Variants in OGDHL observed in about 807,000 individuals in gnomAD.
The protein encoded by OGDHL is 2-oxoglutarate dehydrogenase-like, mitochondrial.
In OGDHL, 79 loss-of-function variants were observed where a neutral mutation model predicts 109.6. The observed-to-expected ratio is 0.72, with a 90% confidence interval of 0.60 to 0.87. The LOEUF (loss-of-function observed/expected upper bound fraction) is 0.87, where lower values mean the gene tolerates loss of function less well. OGDHL is among the 40% of genes least tolerant of loss of function. OGDHL has a pLI of 0.00. For missense variants in OGDHL, 1,275 were observed against 1,362.2 expected (o/e 0.94, Z 1.01); for synonymous variants, 528 against 537.2 (o/e 0.98, Z 0.24).
chr10:49,752,071 C>T (rs754106751), intron 5 of OGDHL, 62 bp downstream of exon 5: 65 of 1,608,546 alleles, frequency 4.0e-5, no homozygotes, highest in Non-Finnish European at 5.1e-5. Context: ...AGTGCCTTCC[C>T]GTCCTCTGGC....
chr10:49,746,951 G>A, intron 9 of OGDHL, 73 bp from the exon 10 acceptor site: 1 of 1,609,388 alleles, frequency 6.2e-7, no homozygotes, highest in South Asian at 1.1e-5. Flanking sequence ...CTGTACTGTG[G>A]AGACCCAGGG....
chr10:49,748,742 C>CACACACACA (rs1842373583), intron 8 of OGDHL, among the ~76,000 whole-genome samples: 1 of 133,884 alleles, frequency 7.5e-6, no homozygotes, highest in Non-Finnish European at 1.6e-5. Context: ...AGGTATGGGT[C>CACACACACA]CACACACACA....
intron 3 of OGDHL, among the ~76,000 whole-genome samples, chr10:49,755,169 G>A (rs145654763): frequency 1.3e-5 from 2 of 152,292 alleles, no homozygotes; most frequent in African/African-American, 2.4e-5. Context: ...ACTTGACCAC[G>A]TGGGGCAGAG....
At position 49,744,631 on chromosome 10, in the gene OGDHL, CCA is replaced by C; in HGVS notation, c.1732+17_1732+18del. ...CAAGGCCCAGGGGAGTCCCTCTGAG[CCA>C]CACACTGCTCGCTCACCAGGCCAGG... On this transcript the variant is annotated intron_variant, in intron 13 of 22. Coordinates refer to ENST00000374103, the MANE Select transcript of OGDHL (RefSeq NM_018245.3). The C allele has an allele frequency of 6.2e-7, 1 of 1,604,454 alleles. No homozygotes were observed. The highest frequency in any genetic ancestry group is 8.5e-7 in the Non-Finnish European group (1 of 1,171,314).
At chr10:49,741,878 C>T (rs1841696873) in intron 15 of OGDHL, among the ~76,000 whole-genome samples, 1 of 149,354 alleles carries the variant, frequency 6.7e-6, no homozygotes, top group African/African-American at 2.5e-5. Flanking sequence ...ACACACCACA[C>T]ATACCACACA....
chr10:49,743,162 C>T (rs1018478006), intron 14 of OGDHL, among the ~76,000 whole-genome samples, 184 bp from the exon 15 acceptor site: 6 of 152,240 alleles, frequency 3.9e-5, no homozygotes, highest in Non-Finnish European at 8.8e-5. Flanking sequence ...AGGGGCTACC[C>T]CGAGCCTGTG....
chr10:49,760,955 G>A (rs1009664742), intron 1 of OGDHL, among the ~76,000 whole-genome samples: 5 of 152,232 alleles, frequency 3.3e-5, no homozygotes, highest in South Asian at 2.1e-4. Flanking sequence ...AGAATGGCCC[G>A]GTGCAGGAAC....
intron 1 of OGDHL, among the ~76,000 whole-genome samples, chr10:49,761,311 C>T (rs1054884385): frequency 6.6e-6 from 1 of 152,168 alleles, no homozygotes; most frequent in African/African-American, 2.4e-5. Flanking sequence ...AGAAAACTGC[C>T]GACACCATGG....
intron 13 of OGDHL, 96 bp from the exon 14 acceptor site, chr10:49,744,218 C>T: frequency 6.7e-7 from 1 of 1,487,316 alleles, no homozygotes; most frequent in South Asian, 1.3e-5. Flanking sequence ...CCCATGGCTT[C>T]CCAAACTCCA....
At chr10:49,736,554 G>T in intron 20 of OGDHL, 34 bp from the exon 21 acceptor site, 1 of 1,603,490 alleles carries the variant, frequency 6.2e-7, no homozygotes. Flanking sequence ...AGAGGCGTTG[G>T]TACCCAGAGG....
At chr10:49,757,718 G>A (rs148894476) in intron 2 of OGDHL, among the ~76,000 whole-genome samples, 75 of 152,308 alleles carry the variant, frequency 4.9e-4, no homozygotes, top group Middle Eastern at 3.4e-3. Context: ...GAAAGATCTT[G>A]GAGATACATC....
intron 17 of OGDHL, 93 bp from the exon 18 acceptor site, chr10:49,738,355 G>A: frequency 7.3e-7 from 1 of 1,371,130 alleles, no homozygotes; most frequent in Non-Finnish European, 1.0e-6. Context: ...AAAGTCTGGA[G>A]GGCTTCTCAG....
intron 15 of OGDHL, among the ~76,000 whole-genome samples, chr10:49,741,638 A>G (rs1841663415): frequency 6.6e-6 from 1 of 151,236 alleles, no homozygotes; most frequent in African/African-American, 2.4e-5. Context: ...ACAGCAGTAC[A>G]CACACACACC....
At chr10:49,739,940 C>G in intron 16 of OGDHL, 101 bp from the exon 17 acceptor site, 1 of 1,239,550 alleles carries the variant, frequency 8.1e-7, no homozygotes, top group Non-Finnish European at 1.1e-6. Context: ...TGCCCCCACC[C>G]ATCCTTCTCA....
chr10:49,738,541 C>G (rs1223781476), intron 17 of OGDHL: 2 of 490,114 alleles, frequency 4.1e-6, no homozygotes, highest in African/African-American at 3.9e-5. Flanking sequence ...CTGGAATGTC[C>G]TGGAACAGTG....
chr10:49,757,157 T>C (rs7893806), intron 2 of OGDHL, among the ~76,000 whole-genome samples: 9,315 of 152,330 alleles, frequency 0.061, 474 homozygotes, highest in Admixed American at 0.16. Flanking sequence ...TGGCTATCCA[T>C]AGAAAACTGG....
chr10:49,756,181 A>T (rs1842903810), intron 3 of OGDHL, among the ~76,000 whole-genome samples: 1 of 152,224 alleles, frequency 6.6e-6, no homozygotes, highest in Non-Finnish European at 1.5e-5. Flanking sequence ...TCCCAGAGAT[A>T]TTCCAAATGA....
chr10:49,741,486 A>T (rs1214496886), intron 15 of OGDHL, among the ~76,000 whole-genome samples: 1 of 152,090 alleles, frequency 6.6e-6, no homozygotes, highest in Non-Finnish European at 1.5e-5. Flanking sequence ...CTGGCTTGCT[A>T]ACCAGGAGCG....
At position 49,749,185 on chromosome 10, in the gene OGDHL, G is replaced by A. The variant is rs578144997; in HGVS notation, c.987+541C>T. ...GATCATGCCATTGCACTCCAGCCTG[G>A]GCAACAAGAGCAAAACCCCATCTCA... On this transcript the variant is annotated intron_variant, in intron 8 of 22. Coordinates refer to ENST00000374103, the MANE Select transcript of OGDHL (RefSeq NM_018245.3). 9.9e-5 allele frequency among the ~76,000 whole-genome samples: 15 copies of A among 152,266 alleles called. No homozygotes were observed. In the East Asian group the frequency reaches 2.5e-3, roughly 26 times the overall value.
Sources: allele counts gnomAD v4.1 joint callset (sites outside exome capture counted in the v4.1 genomes callset), GRCh38; gene constraint gnomAD v4.1.1; transcripts MANE v1.5; gene names NCBI Gene and HGNC (gene_info 2026-07-23, HGNC 2026-07-21).